The following SLC4A10 variants were observed in gnomAD, a reference collection of about 807,000 sequenced individuals.
SLC4A10 encodes the protein sodium-driven chloride bicarbonate exchanger.
In SLC4A10, 42 loss-of-function variants were observed where a neutral mutation model predicts 137.7. The ratio of observed to expected loss-of-function variants is 0.30; its 90% CI spans 0.24 to 0.39. SLC4A10 has a LOEUF of 0.39. Among genes scored for constraint, SLC4A10 ranks in the 10% least tolerant of loss-of-function variants. The pLI is 1.00. For synonymous variants in SLC4A10, 474 were observed against 464.1 expected (o/e 1.02, Z -0.27); for missense variants, 925 against 1,355.0 (o/e 0.68, Z 4.98).
At chr2:161,717,731 AG>A in intron 1 of SLC4A10, among the ~76,000 whole-genome samples, 1 of 152,280 alleles carries the variant, frequency 6.6e-6, no homozygotes, top group Non-Finnish European at 1.5e-5. Context: ...GATATTCATC[AG>A]GGATATTGGC....
intron 4 of SLC4A10, among the ~76,000 whole-genome samples, chr2:161,854,316 C>A (rs1188446094): frequency 6.6e-6 from 1 of 152,082 alleles, no homozygotes; most frequent in African/African-American, 2.4e-5. Context: ...TCATTTCAGT[C>A]CAAGAAGACA....
intron 16 of SLC4A10, among the ~76,000 whole-genome samples, chr2:161,947,157 G>A (rs1319285959): frequency 6.6e-6 from 1 of 152,008 alleles, no homozygotes; most frequent in Non-Finnish European, 1.5e-5. Context: ...ATATTTTATG[G>A]TATTGGTGTG....
intron 15 of SLC4A10, among the ~76,000 whole-genome samples, chr2:161,908,296 C>A (rs1389016295): frequency 6.6e-6 from 1 of 151,570 alleles, no homozygotes; most frequent in Non-Finnish European, 1.5e-5. Flanking sequence ...AAAAGAGATA[C>A]CTGGTAGCTT....
At chr2:161,671,022 A>G (rs1440512546) in intron 1 of SLC4A10, among the ~76,000 whole-genome samples, 1 of 152,150 alleles carries the variant, frequency 6.6e-6, no homozygotes, top group Non-Finnish European at 1.5e-5. Context: ...GAACAACTAC[A>G]ATGATAATAG....
chr2:161,893,901 T>C (rs2063179348), intron 10 of SLC4A10, among the ~76,000 whole-genome samples: 1 of 151,916 alleles, frequency 6.6e-6, no homozygotes, highest in African/African-American at 2.4e-5. Flanking sequence ...ATTGAAAATA[T>C]CATAAGTGGA....
Position 161,814,587 on chromosome 2 carries a change from T to TA in SLC4A10, c.277+9998dup, listed in dbSNP as rs770625429. ...TACTCCATGGCATACATTGCAGCCCTAAAAAAGAGCAAAATCATGTTCTTT... is the reference window on the plus strand; with the variant it reads ...TACTCCATGGCATACATTGCAGCCCTAAAAAAAGAGCAAAATCATGTTCTTT... On this transcript the variant is annotated intron_variant, in intron 3 of 26. Transcript: ENST00000446997. Among the ~76,000 whole-genome samples, 4 of 152,190 alleles carry TA rather than the reference T, an allele frequency of 2.6e-5. No individual in the cohort carries two copies. The East Asian group carries it at 7.7e-4, about 29-fold the overall frequency.
chr2:161,953,286 C>A (rs1695102469), intron 19 of SLC4A10, among the ~76,000 whole-genome samples: 1 of 152,058 alleles, frequency 6.6e-6, no homozygotes, highest in Non-Finnish European at 1.5e-5. Context: ...AGCTGGTTTT[C>A]TTTTAGATGA....
At chr2:161,651,882 G>C (rs752112621) in intron 1 of SLC4A10, among the ~76,000 whole-genome samples, 1 of 152,212 alleles carries the variant, frequency 6.6e-6, no homozygotes, top group East Asian at 1.9e-4. Flanking sequence ...GCTCAGCTGA[G>C]TGGGCAGAAT....
At chr2:161,741,640 G>C (rs888083323) in intron 1 of SLC4A10, among the ~76,000 whole-genome samples, 9 of 152,136 alleles carry the variant, frequency 5.9e-5, no homozygotes, top group Admixed American at 5.2e-4. Context: ...CATCTGTGTT[G>C]TCACAAATGG....
intron 2 of SLC4A10, among the ~76,000 whole-genome samples, chr2:161,796,273 G>C (rs1173369226): frequency 1.3e-5 from 2 of 152,120 alleles, no homozygotes; most frequent in Non-Finnish European, 2.9e-5. Context: ...TCATAATTCT[G>C]TAGGTTGTGA....
rs118064070 is a variant in SLC4A10 at position 161,726,401 on chromosome 2, A to G, written c.49-44572A>G. 3.9e-4 allele frequency among the ~76,000 whole-genome samples: 60 copies of G among 152,262 alleles called. 1 individual carries two copies. The East Asian group carries it at 8.1e-3, about 21-fold the overall frequency. Reference sequence around the variant, plus strand: ...TCCTGTTAAAAAGACAACTAAGGGAATTTTCTAAACCGCTCCTCTCCCCCA... The same window carrying G: ...TCCTGTTAAAAAGACAACTAAGGGAGTTTTCTAAACCGCTCCTCTCCCCCA... On this transcript the variant is annotated intron_variant, in intron 1 of 26. Coordinates refer to ENST00000446997, the MANE Select transcript of SLC4A10 (RefSeq NM_001178015.2).
intron 1 of SLC4A10, among the ~76,000 whole-genome samples, chr2:161,759,233 T>G (rs889272467): frequency 2.6e-5 from 4 of 151,976 alleles, no homozygotes; most frequent in African/African-American, 7.2e-5. Context: ...ATATTCAAGG[T>G]GTACAGTGAT....
intron 1 of SLC4A10, among the ~76,000 whole-genome samples, chr2:161,769,361 T>A (rs548812890): frequency 3.9e-5 from 6 of 152,090 alleles, no homozygotes; most frequent in South Asian, 2.1e-4. Flanking sequence ...GTAGCTCAAC[T>A]CCTTGTGGGT....
chr2:161,833,598 A>G (rs1437928932), intron 3 of SLC4A10, among the ~76,000 whole-genome samples: 3 of 152,214 alleles, frequency 2.0e-5, no homozygotes, highest in Non-Finnish European at 4.4e-5. Flanking sequence ...GGCAGCAGGT[A>G]CATCTATCTA....
At chr2:161,843,575 G>A (rs1480804489) in intron 4 of SLC4A10, among the ~76,000 whole-genome samples, 1 of 152,094 alleles carries the variant, frequency 6.6e-6, no homozygotes, top group Admixed American at 6.6e-5. Context: ...GGGAAGGGCA[G>A]AACATATTTA....
At chr2:161,639,734 C>A (rs1484372308) in intron 1 of SLC4A10, among the ~76,000 whole-genome samples, 1 of 152,046 alleles carries the variant, frequency 6.6e-6, no homozygotes. Flanking sequence ...GCCCACTTTG[C>A]CACTTTTATT....
chr2:161,815,501 C>T (rs1248285464), intron 3 of SLC4A10, among the ~76,000 whole-genome samples: 1 of 152,070 alleles, frequency 6.6e-6, no homozygotes, highest in Non-Finnish European at 1.5e-5. Context: ...TTATAAATTA[C>T]CCAGCCTCAG....
intron 6 of SLC4A10, among the ~76,000 whole-genome samples, chr2:161,871,032 A>C (rs1244507962): frequency 1.3e-5 from 2 of 151,930 alleles, no homozygotes; most frequent in Non-Finnish European, 2.9e-5. Context: ...ACTAGTCCAA[A>C]AAGCAAACTT....
intron 1 of SLC4A10, among the ~76,000 whole-genome samples, chr2:161,646,196 T>C (rs1490483583): frequency 1.3e-5 from 2 of 152,046 alleles, no homozygotes; most frequent in Non-Finnish European, 2.9e-5. Flanking sequence ...TTCCATAGGG[T>C]CAGATTCAGA....
Sources: allele counts gnomAD v4.1 joint callset (sites outside exome capture counted in the v4.1 genomes callset), GRCh38; gene constraint gnomAD v4.1.1; transcripts MANE v1.5; gene names NCBI Gene and HGNC (gene_info 2026-07-23, HGNC 2026-07-21).